The following DCDC1 variants were observed in gnomAD, a reference collection of about 807,000 sequenced individuals.
DCDC1 encodes doublecortin domain-containing protein 1.
Under a neutral mutation model 178.3 loss-of-function variants are expected in DCDC1, and 200 were observed. The ratio of observed to expected loss-of-function variants is 1.12; its 90% CI spans 1.00 to 1.26. DCDC1 has a LOEUF of 1.26. DCDC1 is among the 50% of genes most tolerant of loss of function. DCDC1 has a pLI of 0.00. For synonymous variants in DCDC1, 690 were observed against 604.8 expected, an observed-to-expected ratio of 1.14 and a Z score of -2.07; for missense variants, 1,983 against 1,749.2, an observed-to-expected ratio of 1.13 and a Z score of -2.38.
chr11:31,055,808 A>T (rs1955547589), intron 20 of DCDC1, among the ~76,000 whole-genome samples: 1 of 152,164 alleles, frequency 6.6e-6, no homozygotes, highest in Non-Finnish European at 1.5e-5. Flanking sequence ...AGCTATGAGG[A>T]TGCAAAGGCA....
chr11:31,063,019 C>A (rs1322552493), intron 20 of DCDC1, among the ~76,000 whole-genome samples: 1 of 142,912 alleles, frequency 7.0e-6, no homozygotes, highest in African/African-American at 2.6e-5. Context: ...ATTGTTCCAA[C>A]CCCATCAAAA....
chr11:31,361,674 T>A (rs574590711), intron 1 of DCDC1, among the ~76,000 whole-genome samples: 9 of 152,094 alleles, frequency 5.9e-5, no homozygotes, highest in Non-Finnish European at 1.2e-4. Context: ...AGAGATGTGG[T>A]TTCACCATGT....
At chr11:30,935,630 T>G (rs981805512) in intron 21 of DCDC1, among the ~76,000 whole-genome samples, 1 of 151,902 alleles carries the variant, frequency 6.6e-6, no homozygotes, top group African/African-American at 2.4e-5. Context: ...CTCAGCTCAC[T>G]GCAACCTTTG....
chr11:30,893,037 T>G, intron 35 of DCDC1, 40 bp from the exon 36 acceptor site: 2 of 1,605,894 alleles, frequency 1.2e-6, no homozygotes, highest in Non-Finnish European at 1.7e-6. Flanking sequence ...TTTAGAGAAC[T>G]GTCTGGATAG....
At chr11:31,129,014 C>T (rs1962049734) in intron 10 of DCDC1, among the ~76,000 whole-genome samples, 1 of 152,144 alleles carries the variant, frequency 6.6e-6, no homozygotes. Context: ...CAAGAGTCTT[C>T]CCTGTACTTA....
At chr11:31,038,876 G>C (rs202150474) in intron 20 of DCDC1, among the ~76,000 whole-genome samples, 1 of 151,994 alleles carries the variant, frequency 6.6e-6, no homozygotes, top group Non-Finnish European at 1.5e-5. Flanking sequence ...AAAAAAAAGG[G>C]AGGGAGAAGA....
At chr11:31,075,334 A>C (rs1327038767) in intron 18 of DCDC1, among the ~76,000 whole-genome samples, 1 of 152,186 alleles carries the variant, frequency 6.6e-6, no homozygotes, top group Non-Finnish European at 1.5e-5. Flanking sequence ...GCTATTGTGA[A>C]TAGTACTATG....
In DCDC1 at chr11:31,307,897, G is replaced by A. The variant is rs1258464509; in HGVS notation, c.176C>T (p.Ser59Leu). 1.2e-6 allele frequency: 2 copies of A among 1,613,886 alleles called. No homozygotes were observed. The highest frequency in any genetic ancestry group is 1.3e-5 in the African/African-American group (1 of 74,902). ...TTTAATAACTGCTTTTGCCTGGGAT[G>A]ACATAAACTCTCTGGAAGAAACAAT... Reference protein sequence around the residue: ...ILNDLPREFMSSQAKAVIKTT... With the variant: ...ILNDLPREFMLSQAKAVIKTT... The change falls in exon 4 of 39, where the codon TCA (serine) becomes TTA (leucine). Residue 59 changes from serine (S) to leucine (L), a missense_variant. Transcript: ENST00000684477.
rs187165733 is a variant in DCDC1, at chr11:31,091,489, G to A, written c.2141C>T (p.Ala714Val). Residue 714 changes from alanine (A) to valine (V), a missense_variant, in exon 17 of 39, where the codon GCG becomes GTG. Physicochemically the swap from Ala to Val is moderately conservative, Grantham distance 64. Coordinates refer to ENST00000684477, the MANE Select transcript of DCDC1 (RefSeq NM_001387274.1). Reference sequence around the variant, plus strand: ...AATAGCCAGGCAGCCCTGAGTTATCGCTCGGCTCAGGATCATTCCAGTCTT... The same window carrying A: ...AATAGCCAGGCAGCCCTGAGTTATCACTCGGCTCAGGATCATTCCAGTCTT... ...ITKTGMILSR[A>V]ITQGCLAIGH... 2.1e-5 allele frequency: 16 copies of A among 757,024 alleles called. No homozygotes were observed. Among genetic ancestry groups the A allele is most frequent in the Middle Eastern group, 2.3e-4 (1 of 4,422 alleles). 46.9% of individuals were successfully genotyped at this position (757,024 alleles called of 1,614,324 possible). A position where few individuals can be genotyped will look rare whatever the true frequency, so the allele number is the denominator to read the frequency against.
chr11:31,080,017 C>T (rs763843923), intron 17 of DCDC1, among the ~76,000 whole-genome samples: 36 of 152,116 alleles, frequency 2.4e-4, no homozygotes, highest in Non-Finnish European at 4.6e-4. Context: ...GGATCCCATT[C>T]TAAGGCTTTG....
At chr11:30,994,986 T>C (rs1481637123) in intron 20 of DCDC1, among the ~76,000 whole-genome samples, 1 of 151,004 alleles carries the variant, frequency 6.6e-6, no homozygotes, top group African/African-American at 2.4e-5. Flanking sequence ...GAAAGAAATA[T>C]AAGAGTCCTG....
chr11:31,240,262 A>G (rs1383675374), intron 9 of DCDC1, among the ~76,000 whole-genome samples: 1 of 152,014 alleles, frequency 6.6e-6, no homozygotes, highest in Non-Finnish European at 1.5e-5. Flanking sequence ...ACTAGTTTCT[A>G]TATATAATGG....
chr11:30,936,819 T>C (rs1947307898), intron 21 of DCDC1, among the ~76,000 whole-genome samples: 1 of 152,188 alleles, frequency 6.6e-6, no homozygotes. Flanking sequence ...CAAAGGAATA[T>C]TTTATGGTGA....
intron 11 of DCDC1, among the ~76,000 whole-genome samples, chr11:31,113,042 G>A (rs867896235): frequency 1.3e-5 from 2 of 152,140 alleles, no homozygotes; most frequent in Non-Finnish European, 2.9e-5. Flanking sequence ...GATCTTGTGA[G>A]ACCTGAAGTT....
At chr11:31,148,500 C>A (rs1565348564) in intron 9 of DCDC1, among the ~76,000 whole-genome samples, 1 of 151,736 alleles carries the variant, frequency 6.6e-6, no homozygotes, top group East Asian at 1.9e-4. Context: ...CAAGAAACAC[C>A]CTGTCTCAAA....
chr11:30,882,900 G>GTAAATATACTC (rs1319073810), intron 36 of DCDC1: 3 of 152,140 alleles, frequency 2.0e-5, no homozygotes, highest in Non-Finnish European at 2.9e-5. Context: ...ACTTCTGTGT[G>GTAAATATACTC]TAAATATACT....
At chr11:31,011,948 G>A (rs1017344255) in intron 20 of DCDC1, among the ~76,000 whole-genome samples, 3 of 152,176 alleles carry the variant, frequency 2.0e-5, no homozygotes, top group Non-Finnish European at 4.4e-5. Context: ...GAGGGGCCTG[G>A]TGGGAGGTGA....
intron 13 of DCDC1, 66 bp from the exon 14 acceptor site, chr11:31,103,835 A>G: frequency 1.4e-6 from 1 of 730,142 alleles, no homozygotes; most frequent in South Asian, 1.5e-5. Context: ...TTGAGCACAA[A>G]TAAACAATAA....
At chr11:31,213,991 T>C (rs1973203885) in intron 9 of DCDC1, among the ~76,000 whole-genome samples, 1 of 152,116 alleles carries the variant, frequency 6.6e-6, no homozygotes, top group Non-Finnish European at 1.5e-5. Flanking sequence ...GGAATAGTTT[T>C]GGTGGGGGGG....
Sources: gnomAD v4.1 joint callset for allele counts (sites outside exome capture counted in the v4.1 genomes callset) on GRCh38, gnomAD v4.1.1 for gene constraint, MANE v1.5 for transcripts, NCBI Gene and HGNC (gene_info 2026-07-23, HGNC 2026-07-21) for gene names.